Variants in PCNX2 observed in about 807,000 individuals in gnomAD.
The protein encoded by PCNX2 is pecanex 2.
In PCNX2, 168 loss-of-function variants were observed where a neutral mutation model predicts 223.8. That is an observed-to-expected ratio of 0.75 (90% confidence interval 0.66 to 0.85). The LOEUF is 0.85. Ranked by LOEUF, PCNX2 falls within the 40% of genes least tolerant of loss-of-function variation. PCNX2 has a pLI of 0.00. For synonymous variants in PCNX2, 1,006 were observed against 1,052.6 expected (o/e 0.96, Z 0.86); for missense variants, 2,507 against 2,675.5 (o/e 0.94, Z 1.39).
intron 28 of PCNX2, among the ~76,000 whole-genome samples, chr1:233,002,953 C>T (rs9661074): frequency 0.18 from 27,392 of 150,436 alleles, 3,032 homozygotes; most frequent in Non-Finnish European, 0.25. Flanking sequence ...GCTAGCCATA[C>T]GCAGAAAACT....
chr1:233,263,488 C>G (rs1459700097), intron 1 of PCNX2, among the ~76,000 whole-genome samples: 1 of 143,062 alleles, frequency 7.0e-6, no homozygotes, highest in Non-Finnish European at 1.5e-5. Context: ...CAGTGTCTCA[C>G]TGTATCACCC....
At chr1:233,191,976 A>G (rs570093449) in intron 15 of PCNX2, among the ~76,000 whole-genome samples, 1 of 152,172 alleles carries the variant, frequency 6.6e-6, no homozygotes, top group South Asian at 2.1e-4. Flanking sequence ...TGATATAACT[A>G]CCCCAAACTC....
intron 19 of PCNX2, among the ~76,000 whole-genome samples, chr1:233,154,028 T>A (rs1677969841): frequency 6.6e-6 from 1 of 152,196 alleles, no homozygotes; most frequent in Non-Finnish European, 1.5e-5. Context: ...AATAGTGGAT[T>A]TTTTTAAATT....
At chr1:233,034,352 AC>A (rs554085193) in intron 25 of PCNX2, among the ~76,000 whole-genome samples, 1 of 152,146 alleles carries the variant, frequency 6.6e-6, no homozygotes, top group South Asian at 2.1e-4. Flanking sequence ...ATGTGAGGAC[AC>A]TGCAGAAAGA....
At chr1:233,174,432 T>G (rs934121724) in intron 17 of PCNX2, among the ~76,000 whole-genome samples, 5 of 150,760 alleles carry the variant, frequency 3.3e-5, no homozygotes, top group African/African-American at 1.2e-4. Context: ...CCGTGCATGT[T>G]TAACTAAGAA....
intron 18 of PCNX2, among the ~76,000 whole-genome samples, chr1:233,160,917 C>T (rs757234775): frequency 9.9e-5 from 15 of 152,184 alleles, no homozygotes; most frequent in Non-Finnish European, 1.9e-4. Context: ...CACCCCGATA[C>T]GGTGACTCCT....
At chr1:233,188,451 C>T (rs1170484908) in intron 15 of PCNX2, among the ~76,000 whole-genome samples, 1 of 152,190 alleles carries the variant, frequency 6.6e-6, no homozygotes, top group Non-Finnish European at 1.5e-5. Context: ...TCTGGACCCC[C>T]TTTTAAAGGG....
At chr1:233,251,577 C>G (rs1659455113) in intron 7 of PCNX2, among the ~76,000 whole-genome samples, 2 of 152,192 alleles carry the variant, frequency 1.3e-5, no homozygotes, top group South Asian at 2.1e-4. Flanking sequence ...ATGACAACCG[C>G]AGCCCCTGTG....
chr1:233,082,678 G>T (rs1324231534), intron 23 of PCNX2, among the ~76,000 whole-genome samples: 1 of 152,182 alleles, frequency 6.6e-6, no homozygotes, highest in African/African-American at 2.4e-5. Context: ...TGCCTTTTGA[G>T]AAGCTCAATG....
chr1:233,006,296 G>GA (rs35140884), intron 28 of PCNX2, among the ~76,000 whole-genome samples: 14,888 of 152,276 alleles, frequency 0.098, 943 homozygotes, highest in Non-Finnish European at 0.14. Context: ...ACTCGGCACA[G>GA]AATGAACCCA....
chr1:233,209,930 A>T (rs563182810), intron 12 of PCNX2, among the ~76,000 whole-genome samples: 1 of 152,356 alleles, frequency 6.6e-6, no homozygotes, highest in South Asian at 2.1e-4. Context: ...ACAAATACAC[A>T]TGTATATGAG....
At chr1:233,276,519 T>C (rs549453267) in intron 1 of PCNX2, among the ~76,000 whole-genome samples, 1 of 152,322 alleles carries the variant, frequency 6.6e-6, no homozygotes, top group African/African-American at 2.4e-5. Flanking sequence ...GTAATTATTA[T>C]TTTATAACAC....
intron 21 of PCNX2, among the ~76,000 whole-genome samples, chr1:233,119,689 C>T (rs1675654340): frequency 6.6e-6 from 1 of 151,648 alleles, no homozygotes; most frequent in South Asian, 2.1e-4. Flanking sequence ...GGTCTAGAAC[C>T]AGGCAAAGAG....
chr1:233,122,718 CCACCATGTTGGTCAGACCGGTCT>C (rs1675874310), intron 21 of PCNX2, among the ~76,000 whole-genome samples: 1 of 151,902 alleles, frequency 6.6e-6, no homozygotes, highest in South Asian at 2.1e-4. Context: ...AGACGGGGTT[CCACCATGTTGGTCAGACCGGTCT>C]TGAACTCCTG....
upstream of PCNX2, among the ~76,000 whole-genome samples, chr1:233,297,362 C>G (rs185830873): frequency 1.9e-3 from 283 of 152,222 alleles, no homozygotes; most frequent in Non-Finnish European, 3.0e-3. Flanking sequence ...GTTAATAAAC[C>G]ACAAGAGGAG....
intron 1 of PCNX2, among the ~76,000 whole-genome samples, chr1:233,264,029 G>A (rs927024575): frequency 1.3e-5 from 2 of 152,124 alleles, no homozygotes; most frequent in Non-Finnish European, 2.9e-5. Context: ...AAAGGAAGAG[G>A]GATATTTCCA....
intron 21 of PCNX2, among the ~76,000 whole-genome samples, chr1:233,111,163 A>C (rs1232359439): frequency 6.6e-6 from 1 of 152,102 alleles, no homozygotes. Flanking sequence ...TGGGCACTGG[A>C]GTCAGACCCG....
rs1672590559 is a variant in PCNX2, at chr1:233,066,024, C to T, written c.4077-8734G>A. ...GCTTTTTGACCAATCAGCATGCACT[C>T]CCCCATTCCGAGCCCATAAAAACCC... On this transcript the variant is annotated intron_variant, in intron 23 of 33. Coordinates refer to ENST00000258229, the MANE Select transcript of PCNX2 (RefSeq NM_014801.4). Among the ~76,000 whole-genome samples, 4 of 152,288 alleles carry T rather than the reference C, an allele frequency of 2.6e-5. No individual in the cohort carries two copies. In the South Asian group the frequency reaches 6.2e-4, roughly 24 times the overall value.
chr1:233,291,721 G>A (rs1192035677), intron 1 of PCNX2: 7 of 983,796 alleles, frequency 7.1e-6, no homozygotes, highest in African/African-American at 7.1e-5. Flanking sequence ...CTGCTGTAAA[G>A]AACACTCTGC....
Sources: allele counts gnomAD v4.1 joint callset (sites outside exome capture counted in the v4.1 genomes callset), GRCh38; gene constraint gnomAD v4.1.1; transcripts MANE v1.5; gene names NCBI Gene and HGNC (gene_info 2026-07-23, HGNC 2026-07-21).